Variants in SPG7 observed in about 807,000 individuals in gnomAD.
The protein encoded by SPG7 is mitochondrial inner membrane m-AAA protease component paraplegin.
A neutral mutation model predicts 81.9 loss-of-function variants in SPG7; 103 were observed. That is an observed-to-expected ratio of 1.26 (90% CI 1.07 to 1.48). The LOEUF is 1.48. Among genes scored for constraint, SPG7 ranks in the 40% most tolerant of loss-of-function variants. SPG7 has a pLI of 0.00. For synonymous variants in SPG7, 534 were observed against 444.2 expected (o/e 1.20, Z -2.54); for missense variants, 1,241 against 1,087.3 (o/e 1.14, Z -1.99).
intron 7 of SPG7, 150 bp downstream of exon 7, chr16:89,530,958 G>T (rs1168787291): frequency 9.7e-7 from 1 of 1,026,476 alleles, no homozygotes; most frequent in African/African-American, 1.6e-5. Flanking sequence ...CACCAAGCAG[G>T]TGCTGGTGCC....
intron 9 of SPG7, chr16:89,537,184 G>T: frequency 7.0e-7 from 1 of 1,434,206 alleles, no homozygotes; most frequent in Non-Finnish European, 9.1e-7. Context: ...GGATAGGGCC[G>T]ACGCTGTGCC....
chr16:89,553,266 AG>A, intron 14 of SPG7, 131 bp downstream of exon 14: 1 of 1,023,594 alleles, frequency 9.8e-7, no homozygotes, highest in Non-Finnish European at 1.5e-6. Context: ...ATTTTGTAAA[AG>A]ATAAGTTGTG....
chr16:89,535,271 CTG>C (rs1382220275), intron 9 of SPG7, among the ~76,000 whole-genome samples: 1 of 152,206 alleles, frequency 6.6e-6, no homozygotes, highest in African/African-American at 2.4e-5. Flanking sequence ...TCCATGTTCC[CTG>C]TGCTGGCGCC....
intron 12 of SPG7, chr16:89,549,770 G>A (rs2377057): frequency 0.17 from 27,929 of 164,702 alleles, 2,468 homozygotes; most frequent in Non-Finnish European, 0.18. Context: ...GCGCCTCCAG[G>A]TCTGAGGGGA....
intron 9 of SPG7, chr16:89,537,179 G>A (rs958414260): frequency 6.9e-7 from 1 of 1,439,860 alleles, no homozygotes; most frequent in Non-Finnish European, 9.1e-7. Context: ...GCACAGGATA[G>A]GGCCGACGCT....
chr16:89,526,712 CCTAAGCCCCTGGTGTAGGATGCTGAAGT>C (rs1180284084), intron 5 of SPG7: 4 of 466,030 alleles, frequency 8.6e-6, no homozygotes, highest in East Asian at 4.5e-5. Context: ...CCTGAGGATG[CCTAAGCCCCTGGTGTAGGATGCTGAAGT>C]CTAAGCCCCT....
chr16:89,544,688 G>A lies in SPG7; in HGVS notation c.1365G>A (p.Thr455=), dbSNP rs143115910. Residue 455 remains threonine (T), a synonymous_variant, in exon 10 of 17, where the codon ACG becomes ACA. Transcript: ENST00000645818. ...TTDHVIVLAS[T]NRADILDGAL... is the part of the protein sequence containing the mutation. ...ACCATGTCATCGTCCTGGCGTCCAC[G>A]AACCGAGCTGACATTTTGGACGGTG... is the stretch of plus-strand genomic sequence containing the variant. The A allele has an allele frequency of 8.5e-5, 137 of 1,613,950 alleles. 2 individuals are homozygous for A. Among genetic ancestry groups the A allele is most frequent in the South Asian group, 7.9e-4 (72 of 91,070 alleles).
chr16:89,532,801 A>T lies in SPG7; in HGVS notation c.1324+165A>T, dbSNP rs118152214. The T allele has an allele frequency of 8.5e-5, 73 of 854,754 alleles. No individual in the cohort carries two copies. In the East Asian group the frequency reaches 1.8e-3, roughly 22 times the overall value. 52.9% of individuals were successfully genotyped at this position (854,754 alleles called of 1,614,324 possible). On this transcript the variant is annotated intron_variant, in intron 9 of 16. Coordinates refer to ENST00000645818, the MANE Select transcript of SPG7 (RefSeq NM_003119.4). ...AAAAAAAAATAGAAATGTAGCTTTC[A>T]GACCCGGCGCAGTGGCTCACGCCTG...
intron 12 of SPG7, 76 bp from the exon 13 acceptor site, chr16:89,550,418 C>G: frequency 9.9e-7 from 1 of 1,007,468 alleles, no homozygotes; most frequent in Non-Finnish European, 1.6e-6. Flanking sequence ...GGTCATCCGC[C>G]CGCCTTGGCC....
At position 89,529,567 on chromosome 16, in the gene SPG7, A is replaced by G. The variant is rs2058313253; in HGVS notation, c.849A>G (p.Gly283=). The G allele has an allele frequency of 1.9e-6, 3 of 1,612,420 alleles. No homozygotes were observed. Among genetic ancestry groups the G allele is most frequent in the Non-Finnish European group, 2.5e-6 (3 of 1,178,496 alleles). ...RLAGMTGREG[G]FSAFNQLKMA... ...CCGGGATGACTGGAAGGGAAGGTGG[A>G]TTCAGTGCTTTTGTAAGTTCTGTAA... Residue 283 remains glycine, a synonymous_variant, in exon 6 of 17, where the codon GGA becomes GGG. Coordinates refer to ENST00000645818, the MANE Select transcript of SPG7 (RefSeq NM_003119.4).
chr16:89,537,111 G>A, intron 9 of SPG7: 1 of 1,495,224 alleles, frequency 6.7e-7, no homozygotes, highest in Non-Finnish European at 8.9e-7. Flanking sequence ...CCACAGCTGT[G>A]CATGCTCAGC....
intron 16 of SPG7, chr16:89,556,367 G>T (rs2058687611): frequency 3.2e-6 from 1 of 311,742 alleles, no homozygotes; most frequent in Admixed American, 4.7e-5. Flanking sequence ...GTGAAATGTG[G>T]CTGTGGCAGT....
rs2058628092 is a variant in SPG7, at chr16:89,550,893, C to T, written c.1779+284C>T. ...TGGGGTGACTCGTGGAAGGTTACAC[C>T]ATGCAATGGGGTTTCGCTGCCTTTG... On this transcript the variant is annotated intron_variant, in intron 13 of 16. Coordinates refer to ENST00000645818, the MANE Select transcript of SPG7 (RefSeq NM_003119.4). Among the ~76,000 whole-genome samples, 3 of 152,176 alleles carry T rather than the reference C, an allele frequency of 2.0e-5. No homozygotes were observed. The South Asian group carries it at 6.2e-4, about 31-fold the overall frequency.
At position 89,557,405 on chromosome 16, in the gene SPG7, C is replaced by G; in HGVS notation, c.*312C>G. 2.4e-6 allele frequency: 1 copy of G among 408,292 alleles called. No homozygotes were observed. The highest frequency in any genetic ancestry group is 5.3e-5 in the East Asian group (1 of 18,940). 25.3% of individuals were successfully genotyped at this position (408,292 alleles called of 1,614,324 possible). A position where few individuals can be genotyped will look rare whatever the true frequency, so the allele number is the denominator to read the frequency against. On this transcript the variant is annotated 3_prime_UTR_variant, in exon 17 of 17. Transcript: ENST00000645818. ...TCGTTCCCAGTGTGGCTGAGGCCAC[C>G]CAGAGGCAGCAGAGCATTCAGACTC...
intron 9 of SPG7, chr16:89,541,844 A>G (rs1471678622): frequency 1.3e-5 from 2 of 151,258 alleles, no homozygotes; most frequent in Non-Finnish European, 3.0e-5. Flanking sequence ...GCATGTGTCC[A>G]GTCCCAGGAA....
chr16:89,517,078 A>C (rs2058107334), intron 3 of SPG7: 1 of 152,392 alleles, frequency 6.6e-6, no homozygotes, highest in Admixed American at 6.5e-5. Flanking sequence ...GGGGTGGAAG[A>C]AAATCCACGT....
At chr16:89,553,663 T>A (rs2152412085) in intron 14 of SPG7, 131 bp from the exon 15 acceptor site, 3 of 839,506 alleles carry the variant, frequency 3.6e-6, no homozygotes, top group Non-Finnish European at 5.9e-6. Context: ...CTGTCCAGCT[T>A]CACGGTGGGT....
At chr16:89,548,943 T>G (rs1004704658) in intron 12 of SPG7, 4 of 454,300 alleles carry the variant, frequency 8.8e-6, no homozygotes, top group African/African-American at 6.0e-5. Flanking sequence ...TCACCCTCAA[T>G]TCGAGTGAAT....
Position 89,529,156 on chromosome 16 carries a change from G to A in SPG7, c.759-321G>A, listed in dbSNP as rs1343958081. The A allele has an allele frequency of 7.7e-6, 3 of 390,012 alleles. No individual in the cohort carries two copies. The Admixed American group carries it at 1.1e-4, about 14-fold the overall frequency. The allele number at this position is 390,012 out of a possible 1,614,324, so 24.2% of individuals were successfully genotyped here. On this transcript the variant is annotated intron_variant, in intron 5 of 16. Coordinates refer to ENST00000645818, the MANE Select transcript of SPG7 (RefSeq NM_003119.4). ...TTAGGCTGATCTTGCCTGCCTGATT[G>A]AAGCTGATCGCTTACATTTGAAAAC...
Sources: gnomAD v4.1 joint callset for allele counts (sites outside exome capture counted in the v4.1 genomes callset) on GRCh38, gnomAD v4.1.1 for gene constraint, MANE v1.5 for transcripts, NCBI Gene and HGNC (gene_info 2026-07-23, HGNC 2026-07-21) for gene names.